The following NCOA2 variants were observed in gnomAD, a reference collection of about 807,000 sequenced individuals.
NCOA2 encodes the protein nuclear receptor coactivator 2.
A neutral mutation model predicts 145.1 loss-of-function variants in NCOA2; 21 were observed. The observed-to-expected ratio is 0.14, with a 90% CI of 0.10 to 0.21. The LOEUF is 0.21. Among genes scored for constraint, NCOA2 ranks in the 10% least tolerant of loss-of-function variants. NCOA2 has a pLI of 1.00. For missense variants in NCOA2, 1,472 were observed against 1,837.6 expected, an observed-to-expected ratio of 0.80 and a Z score of 3.64; for synonymous variants, 619 against 637.5, an observed-to-expected ratio of 0.97 and a Z score of 0.44.
At chr8:70,298,934 G>A (rs556915269) in intron 1 of NCOA2, among the ~76,000 whole-genome samples, 47 of 152,130 alleles carry the variant, frequency 3.1e-4, no homozygotes, top group African/African-American at 9.9e-4. Flanking sequence ...GGTGGCAGGC[G>A]CCTGTAGTTC....
At chr8:70,132,529 T>C (rs756458656) in intron 15 of NCOA2, among the ~76,000 whole-genome samples, 2 of 152,208 alleles carry the variant, frequency 1.3e-5, no homozygotes, top group African/African-American at 2.4e-5. Flanking sequence ...GCTGGGTTGA[T>C]AGGAAATTTC....
At chr8:70,284,177 C>A (rs976673918) in intron 2 of NCOA2, among the ~76,000 whole-genome samples, 1 of 152,150 alleles carries the variant, frequency 6.6e-6, no homozygotes, top group Admixed American at 6.5e-5. Flanking sequence ...ACATGCTTCA[C>A]CACTTTTATA....
the NCOA2 span, among the ~76,000 whole-genome samples, chr8:70,414,951 G>C: frequency 6.6e-6 from 1 of 152,026 alleles, no homozygotes; most frequent in Non-Finnish European, 1.5e-5. Context: ...AAAAAAGATA[G>C]GGTATGTTTC....
chr8:70,315,944 TATA>T (rs778667933), intron 1 of NCOA2, among the ~76,000 whole-genome samples: 1 of 152,124 alleles, frequency 6.6e-6, no homozygotes, highest in Non-Finnish European at 1.5e-5. Flanking sequence ...CCTGCTGGGG[TATA>T]ATATTATGGT....
intron 1 of NCOA2, among the ~76,000 whole-genome samples, chr8:70,307,370 G>T (rs115654674): frequency 1.2e-4 from 19 of 152,216 alleles, no homozygotes; most frequent in African/African-American, 4.3e-4. Context: ...TGAAACCTAA[G>T]GTGGGAGACA....
chr8:70,189,859 TTTTC>T (rs1339921409), intron 4 of NCOA2, among the ~76,000 whole-genome samples: 2 of 152,198 alleles, frequency 1.3e-5, no homozygotes, highest in Non-Finnish European at 2.9e-5. Flanking sequence ...TTAAAAAGGT[TTTTC>T]TTTATTTAGC....
At chr8:70,163,615 T>G in intron 7 of NCOA2, 49 bp from the exon 8 acceptor site, 1 of 1,415,996 alleles carries the variant, frequency 7.1e-7, no homozygotes, top group Non-Finnish European at 9.9e-7. Flanking sequence ...TTCTAGTGAT[T>G]CAAACAAACC....
At chr8:70,216,525 T>C (rs1015419473) in intron 3 of NCOA2, 135 bp downstream of exon 3, 2 of 690,738 alleles carry the variant, frequency 2.9e-6, no homozygotes, top group African/African-American at 3.6e-5. Context: ...AAGTACATAT[T>C]CAGAGATTTA....
chr8:70,164,384 C>G (rs1363535359), intron 7 of NCOA2, among the ~76,000 whole-genome samples: 2 of 152,110 alleles, frequency 1.3e-5, no homozygotes, highest in Non-Finnish European at 2.9e-5. Context: ...TAAGTAATCC[C>G]TTCATGTCTT....
At chr8:70,304,586 CT>C (rs748947012) in intron 1 of NCOA2, among the ~76,000 whole-genome samples, 22 of 152,108 alleles carry the variant, frequency 1.4e-4, no homozygotes, top group Non-Finnish European at 2.6e-4. Flanking sequence ...CTGCTTCAGC[CT>C]CCTGAGTGGC....
intron 2 of NCOA2, among the ~76,000 whole-genome samples, chr8:70,264,267 C>T (rs112740761): frequency 0.035 from 5,245 of 151,700 alleles, 303 homozygotes; most frequent in African/African-American, 0.12. Context: ...CTTCTAACCC[C>T]GCCACTTTGG....
At chr8:70,336,429 T>C (rs931878484) in intron 1 of NCOA2, among the ~76,000 whole-genome samples, 1 of 152,190 alleles carries the variant, frequency 6.6e-6, no homozygotes, top group Non-Finnish European at 1.5e-5. Context: ...TAATGTTTAA[T>C]TATATGTACG....
chr8:70,167,584 C>A (rs1030731309), intron 6 of NCOA2, among the ~76,000 whole-genome samples: 10 of 152,098 alleles, frequency 6.6e-5, no homozygotes, highest in African/African-American at 2.4e-4. Flanking sequence ...TTTGTTTTTC[C>A]TAAGTTGTTC....
At chr8:70,306,470 T>C (rs140807393) in intron 1 of NCOA2, among the ~76,000 whole-genome samples, 3 of 152,184 alleles carry the variant, frequency 2.0e-5, no homozygotes, top group Non-Finnish European at 4.4e-5. Context: ...ATATCTAACA[T>C]ACAAAACATA....
intron 4 of NCOA2, among the ~76,000 whole-genome samples, chr8:70,188,954 T>A (rs1816371038): frequency 7.2e-6 from 1 of 138,884 alleles, no homozygotes; most frequent in Admixed American, 7.2e-5. Context: ...ATAAAACTGA[T>A]TTAACTCTCA....
At chr8:70,424,921 T>C in the NCOA2 span, among the ~76,000 whole-genome samples, 22,011 of 152,092 alleles carry the variant, frequency 0.14, 1,881 homozygotes, top group East Asian at 0.32. Context: ...ATTTGCCAAG[T>C]GCCCCACCTC....
intron 1 of NCOA2, among the ~76,000 whole-genome samples, chr8:70,391,347 G>T (rs1014280136): frequency 6.6e-6 from 1 of 152,164 alleles, no homozygotes; most frequent in African/African-American, 2.4e-5. Context: ...GCCTAAAACA[G>T]AAATCTACTT....
chr8:70,232,744 G>A lies in NCOA2; in HGVS notation c.-19-15980C>T, dbSNP rs993953947. Among the ~76,000 whole-genome samples, 4 of 152,108 alleles carry A rather than the reference G, an allele frequency of 2.6e-5. No homozygotes were observed. In the South Asian group the frequency reaches 8.3e-4, roughly 32 times the overall value. ...TTTAAAATAAAAATGTTTCAAGGAT[G>A]AGCTTAAATTCCTCTCCAACTACCA... On this transcript the variant is annotated intron_variant, in intron 2 of 22. Coordinates refer to ENST00000452400, the MANE Select transcript of NCOA2 (RefSeq NM_006540.4).
chr8:70,175,525 A>T (rs1814731497), intron 4 of NCOA2, among the ~76,000 whole-genome samples: 1 of 152,256 alleles, frequency 6.6e-6, no homozygotes, highest in Admixed American at 6.5e-5. Context: ...CTGGATGGAA[A>T]CGTGCAAGGC....
Sources: gnomAD v4.1 joint callset for allele counts (sites outside exome capture counted in the v4.1 genomes callset) on GRCh38, gnomAD v4.1.1 for gene constraint, MANE v1.5 for transcripts, NCBI Gene and HGNC (gene_info 2026-07-23, HGNC 2026-07-21) for gene names.